Variants in CYB5R3 observed in about 807,000 individuals in gnomAD.
CYB5R3 encodes cytochrome b5 reductase 3.
Under a neutral mutation model 36.5 loss-of-function variants are expected in CYB5R3, and 28 were observed. That is an observed-to-expected ratio of 0.77 (90% CI 0.57 to 1.05). The LOEUF (loss-of-function observed/expected upper bound fraction) is 1.05, where lower values mean the gene tolerates loss of function less well. Ranked by LOEUF, CYB5R3 falls within the 50% of genes least tolerant of loss-of-function variation. CYB5R3 has a pLI of 0.00. For missense variants in CYB5R3, 474 were observed against 408.9 expected (o/e 1.16, Z -1.37); for synonymous variants, 181 against 159.8 (o/e 1.13, Z -1.00).
chr22:42,645,997 G>A (rs1046194962), intron 1 of CYB5R3, among the ~76,000 whole-genome samples: 4 of 152,198 alleles, frequency 2.6e-5, no homozygotes, highest in Non-Finnish European at 5.9e-5. Context: ...GTGGAGGGGC[G>A]AAGGTTTCAC....
chr22:42,621,784 G>A (rs1927987788), intron 8 of CYB5R3, among the ~76,000 whole-genome samples: 1 of 152,244 alleles, frequency 6.6e-6, no homozygotes, highest in Non-Finnish European at 1.5e-5. Flanking sequence ...CCAGGGATCT[G>A]GATCACTCAT....
At chr22:42,630,442 T>C (rs999871069) in intron 4 of CYB5R3, among the ~76,000 whole-genome samples, 1 of 152,112 alleles carries the variant, frequency 6.6e-6, no homozygotes, top group Non-Finnish European at 1.5e-5. Flanking sequence ...CTCCCAGGGA[T>C]CTCCCAGCGT....
Position 42,627,369 on chromosome 22 carries a change from C to G in CYB5R3, c.568G>C (p.Val190Leu). The G allele has an allele frequency of 1.2e-6, 2 of 1,613,904 alleles. No homozygotes were observed. Among genetic ancestry groups the G allele is most frequent in the Non-Finnish European group, 1.7e-6 (2 of 1,179,992 alleles). ...GGTGITPMLQ[V>L]IRAIMKDPDD... ...GGGTCCTTCATGATGGCGCGGATCA[C>G]CTGCAGCATCGGGGTGATGCCTGCA... Residue 190 changes from valine to leucine, a missense_variant, in exon 7 of 9, where the codon GTG becomes CTG. Physicochemically the swap from Val to Leu is conservative, Grantham distance 32. Transcript: ENST00000352397.
intron 2 of CYB5R3, chr22:42,632,892 G>A (rs909977162): frequency 6.6e-6 from 1 of 152,326 alleles, no homozygotes; most frequent in African/African-American, 2.4e-5. Context: ...CAGGCGTGGT[G>A]GCGCATGCCT....
At chr22:42,627,463 C>A in intron 6 of CYB5R3, 74 bp from the exon 7 acceptor site, 1 of 1,539,704 alleles carries the variant, frequency 6.5e-7, no homozygotes, top group Non-Finnish European at 8.9e-7. Context: ...CCCAGGTGTA[C>A]TGGGGTGGAG....
rs1254151553 is a variant in CYB5R3, at chr22:42,618,492, C to A, written c.*1281G>T. The A allele has an allele frequency of 1.4e-5, 2 of 144,242 alleles. No individual in the cohort carries two copies. Among genetic ancestry groups the A allele is most frequent in the East Asian group, 2.0e-4 (1 of 4,996 alleles). 8.9% of individuals were successfully genotyped at this position (144,242 alleles called of 1,614,324 possible). ...GCGGAGCTTGCAGTGAGCCGAGATC[C>A]CGCCACTGCACTCCAGCCTGGGCGA... On this transcript the variant is annotated 3_prime_UTR_variant, in exon 9 of 9. Transcript: ENST00000352397.
At chr22:42,646,716 A>T in intron 1 of CYB5R3, 1 of 985,488 alleles carries the variant, frequency 1.0e-6, no homozygotes, top group Non-Finnish European at 1.2e-6. Context: ...TCTAACCGGG[A>T]GGAAGTGGGA....
intron 5 of CYB5R3, 58 bp from the exon 6 acceptor site, chr22:42,627,746 A>C: frequency 7.8e-7 from 1 of 1,289,296 alleles, no homozygotes. Context: ...TGGTGGCTGG[A>C]GAGGCTGGAG....
chr22:42,619,168 TG>T lies in CYB5R3; in HGVS notation c.*604del. The T allele has an allele frequency of 6.5e-6, 1 of 153,528 alleles. No individual in the cohort carries two copies. Among genetic ancestry groups the T allele is most frequent in the Non-Finnish European group, 1.5e-5 (1 of 68,902 alleles). The allele number at this position is 153,528 out of a possible 1,614,324, so 9.5% of individuals were successfully genotyped here. ...GGGCTGGAAGGAAATGCTGAGGTTC[TG>T]GGAGGGCCCCATGGCCAGCCCCCTC... On this transcript the variant is annotated 3_prime_UTR_variant, in exon 9 of 9. Coordinates refer to ENST00000352397, the MANE Select transcript of CYB5R3 (RefSeq NM_000398.7).
At chr22:42,644,565 A>G (rs1929448761) in intron 1 of CYB5R3, 4 of 1,528,498 alleles carry the variant, frequency 2.6e-6, no homozygotes, top group Non-Finnish European at 3.5e-6. Flanking sequence ...TCCCTAGCTA[A>G]CCAGGCCCTT....
rs199517896 is a variant in CYB5R3, at chr22:42,618,364, C to T, written c.*1409G>A. On this transcript the variant is annotated 3_prime_UTR_variant, in exon 9 of 9. Coordinates refer to ENST00000352397, the MANE Select transcript of CYB5R3 (RefSeq NM_000398.7). Reference sequence around the variant, plus strand: ...CATCCCGGCTAAAACGGTGAAACCCCGTCTCTACTAAAAATACAAAAAATT... The same window carrying T: ...CATCCCGGCTAAAACGGTGAAACCCTGTCTCTACTAAAAATACAAAAAATT... The T allele has an allele frequency of 1.3e-4, 19 of 150,974 alleles. No homozygotes were observed. The highest frequency in any genetic ancestry group is 3.7e-4 in the African/African-American group (15 of 40,782). 9.4% of individuals were successfully genotyped at this position (150,974 alleles called of 1,614,324 possible). A position where few individuals can be genotyped will look rare whatever the true frequency, so the allele number is the denominator to read the frequency against.
intron 1 of CYB5R3, among the ~76,000 whole-genome samples, chr22:42,641,667 G>C (rs1929281139): frequency 6.6e-6 from 1 of 152,120 alleles, no homozygotes; most frequent in African/African-American, 2.4e-5. Flanking sequence ...TGTATCATTA[G>C]TAGAGACGAG....
At chr22:42,639,201 G>C in intron 1 of CYB5R3, 1 of 295,276 alleles carries the variant, frequency 3.4e-6, no homozygotes, top group Non-Finnish European at 6.7e-6. Context: ...GTGGTGGCAG[G>C]CTACCCCAGC....
chr22:42,624,301 G>A (rs1407252722), intron 7 of CYB5R3, among the ~76,000 whole-genome samples: 3 of 152,214 alleles, frequency 2.0e-5, no homozygotes, highest in Non-Finnish European at 2.9e-5. Flanking sequence ...CAATGGCCCC[G>A]TGAGAAGGCT....
At position 42,631,007 on chromosome 22, in the gene CYB5R3, T is replaced by C; in HGVS notation, c.227-19A>G. 1 of 1,606,722 alleles carries C rather than the reference T, an allele frequency of 6.2e-7. No individual in the cohort carries two copies. The highest frequency in any genetic ancestry group is 8.5e-7 in the Non-Finnish European group (1 of 1,174,604). ...TGCTGGCCTGCAGGACAGAACGGGGTCACTCTGGGCCAGAGATCATCCTGC... is the reference window on the plus strand; with the variant it reads ...TGCTGGCCTGCAGGACAGAACGGGGCCACTCTGGGCCAGAGATCATCCTGC... On this transcript the variant is annotated intron_variant, in intron 3 of 8. Transcript: ENST00000352397.
At chr22:42,630,465 G>A (rs1276991735) in intron 4 of CYB5R3, among the ~76,000 whole-genome samples, 3 of 152,336 alleles carry the variant, frequency 2.0e-5, no homozygotes, top group East Asian at 1.9e-4. Context: ...GAGCAGGGAC[G>A]GGACTGCGCC....
chr22:42,635,023 G>A (rs1000722480), intron 2 of CYB5R3, among the ~76,000 whole-genome samples: 1 of 142,908 alleles, frequency 7.0e-6, no homozygotes, highest in African/African-American at 2.6e-5. Context: ...AGGCTGGAGT[G>A]CAGTGGCGCA....
chr22:42,638,488 G>C (rs1373054688), intron 1 of CYB5R3, among the ~76,000 whole-genome samples: 1 of 144,582 alleles, frequency 6.9e-6, no homozygotes, highest in African/African-American at 2.6e-5. Context: ...AAGATTGCTT[G>C]AGCCCAGTAG....
intron 5 of CYB5R3, 64 bp downstream of exon 5, chr22:42,628,088 G>A: frequency 6.2e-7 from 1 of 1,607,772 alleles, no homozygotes; most frequent in East Asian, 2.2e-5. Flanking sequence ...CCTGCACCCA[G>A]CACGCCCAAG....
Sources: allele counts gnomAD v4.1 joint callset (sites outside exome capture counted in the v4.1 genomes callset), GRCh38; gene constraint gnomAD v4.1.1; transcripts MANE v1.5; gene names NCBI Gene and HGNC (gene_info 2026-07-23, HGNC 2026-07-21).